ABCA8: variants seen among roughly 807,000 people sequenced by gnomAD.
The protein encoded by ABCA8 is ATP binding cassette subfamily A member 8, also known as ABC-type organic anion transporter ABCA8.
A neutral mutation model predicts 192.3 loss-of-function variants in ABCA8; 177 were observed. That is an observed-to-expected ratio of 0.92 (90% confidence interval 0.81 to 1.04). The LOEUF is 1.04. ABCA8 is among the 50% of genes least tolerant of loss of function. The pLI, the probability that ABCA8 is intolerant of heterozygous loss-of-function variation, is 0.00. For missense variants in ABCA8, 1,915 were observed against 1,904.8 expected (o/e 1.01, Z -0.10); for synonymous variants, 642 against 690.2 (o/e 0.93, Z 1.09).
chr17:68,891,616 C>G lies in ABCA8; in HGVS notation c.3037-20G>C, dbSNP rs994995745. On this transcript the variant is annotated intron_variant, in intron 23 of 39. Transcript: ENST00000586539. ...TCCATTCTGAAAAACCCAAAGAATA[C>G]AATGAACTGAATGAAGAAATTTAAA... 1.3e-6 allele frequency: 2 copies of G among 1,534,668 alleles called. No individual in the cohort carries two copies. Among genetic ancestry groups the G allele is most frequent in the Non-Finnish European group, 1.8e-6 (2 of 1,117,104 alleles).
chr17:68,941,982 T>G lies in ABCA8; in HGVS notation c.53A>C (p.Lys18Thr). The G allele has an allele frequency of 2.5e-6, 4 of 1,613,386 alleles. No homozygotes were observed. The highest frequency in any genetic ancestry group is 3.4e-6 in the Non-Finnish European group (4 of 1,179,492). Residue 18 changes from lysine (K) to threonine (T), a missense_variant, in exon 3 of 40, where the codon AAG (lysine) becomes ACG (threonine). Lys to Thr is a moderately conservative substitution (Grantham distance 78). Transcript: ENST00000586539. ...CATTCTCCATTTTTTAAGAAAGTTC[T>G]TGCATAATAAGGCCCAAGTTTGTTG... is the stretch of plus-strand genomic sequence containing the variant. ...VCQQTWALLC[K>T]NFLKKWRMKR...
Position 68,870,075 on chromosome 17 carries a change from A to G in ABCA8, c.4632-296T>C, listed in dbSNP as rs998018342. On this transcript the variant is annotated intron_variant, in intron 37 of 39. Coordinates refer to ENST00000586539, the MANE Select transcript of ABCA8 (RefSeq NM_001288985.2). ...TTCCCAGCTGGTTTGAACCCAAGCT[A>G]GGGCCTTGAACATTCCCAGGAACAG... Among the ~76,000 whole-genome samples the G allele has an allele frequency of 8.5e-5, 13 of 152,272 alleles. No individual in the cohort carries two copies. The East Asian group carries it at 2.5e-3, about 29-fold the overall frequency.
intron 21 of ABCA8, among the ~76,000 whole-genome samples, chr17:68,900,105 G>T (rs1414907072): frequency 6.6e-6 from 1 of 151,956 alleles, no homozygotes; most frequent in Admixed American, 6.6e-5. Flanking sequence ...CAAGAATATT[G>T]GTTTGGAAAT....
intron 24 of ABCA8, among the ~76,000 whole-genome samples, chr17:68,890,655 A>G (rs1046270823): frequency 2.0e-5 from 3 of 152,180 alleles, no homozygotes; most frequent in Admixed American, 6.5e-5. Context: ...AGTAGCTGAG[A>G]TCACAGGCAT....
chr17:68,945,819 G>A (rs963532239), intron 2 of ABCA8, among the ~76,000 whole-genome samples: 4 of 151,932 alleles, frequency 2.6e-5, no homozygotes, highest in Non-Finnish European at 5.9e-5. Flanking sequence ...ATGTGTGTGT[G>A]TGCGCATATG....
At chr17:68,924,963 G>T in intron 10 of ABCA8, 94 bp from the exon 11 acceptor site, 1 of 1,329,126 alleles carries the variant, frequency 7.5e-7, no homozygotes, top group Non-Finnish European at 1.0e-6. Context: ...GCCCTTTGTT[G>T]CTAAACCTGA....
Position 68,876,529 on chromosome 17 carries a change from C to T in ABCA8, c.4301G>A (p.Gly1434Glu), listed in dbSNP as rs1479285527. The T allele has an allele frequency of 1.2e-6, 2 of 1,614,062 alleles. No homozygotes were observed. The highest frequency in any genetic ancestry group is 1.7e-6 in the Non-Finnish European group (2 of 1,179,988). ...ATCCAGAAGCACCACTGACGGGTTCCCCAGTATGCTCAGGACAAAGCACAG... is the reference window on the plus strand; with the variant it reads ...ATCCAGAAGCACCACTGACGGGTTCTCCAGTATGCTCAGGACAAAGCACAG... ...RKLCFVLSIL[G>E]NPSVVLLDEP... The change falls in exon 35 of 40, where the codon GGG becomes GAG. Residue 1434 changes from glycine to glutamate, a missense_variant. By Grantham distance (98) the Gly-to-Glu change is moderately conservative. Coordinates refer to ENST00000586539, the MANE Select transcript of ABCA8 (RefSeq NM_001288985.2).
chr17:68,910,515 G>A (rs1219639334), intron 17 of ABCA8, among the ~76,000 whole-genome samples: 1 of 152,154 alleles, frequency 6.6e-6, no homozygotes, highest in Non-Finnish European at 1.5e-5. Context: ...AGGACCACAG[G>A]GACTGAAATT....
At chr17:68,892,504 G>A (rs752559878) in intron 23 of ABCA8, among the ~76,000 whole-genome samples, 20 of 152,156 alleles carry the variant, frequency 1.3e-4, no homozygotes, top group African/African-American at 4.8e-4. Context: ...ATTGGTTAAA[G>A]TGACTATATT....
intron 29 of ABCA8, 77 bp from the exon 30 acceptor site, chr17:68,882,796 T>C: frequency 7.0e-7 from 1 of 1,420,638 alleles, no homozygotes; most frequent in Non-Finnish European, 9.7e-7. Flanking sequence ...TTAAAGCATA[T>C]GTTTGAGTAG....
At chr17:68,896,567 T>G (rs1415181009) in intron 21 of ABCA8, among the ~76,000 whole-genome samples, 1 of 152,240 alleles carries the variant, frequency 6.6e-6, no homozygotes, top group African/African-American at 2.4e-5. Flanking sequence ...CCTTGTCTTC[T>G]GTGTCCACAC....
At chr17:68,906,518 G>C (rs566681939) in intron 18 of ABCA8, among the ~76,000 whole-genome samples, 6 of 152,034 alleles carry the variant, frequency 3.9e-5, no homozygotes, top group Non-Finnish European at 5.9e-5. Context: ...CTTTTCTAGA[G>C]AACAGATATA....
At chr17:68,912,952 C>T (rs2067260488) in intron 17 of ABCA8, among the ~76,000 whole-genome samples, 2 of 152,144 alleles carry the variant, frequency 1.3e-5, no homozygotes, top group African/African-American at 4.8e-5. Flanking sequence ...AATACACAGT[C>T]GTCTCCTCAG....
intron 7 of ABCA8, chr17:68,931,863 G>A (rs1159696247): frequency 7.1e-6 from 1 of 140,718 alleles, no homozygotes; most frequent in African/African-American, 2.7e-5. Flanking sequence ...ATTATTCTGT[G>A]TAGGTATCTC....
Position 68,924,855 on chromosome 17 carries a change from G to C in ABCA8, c.1288C>G (p.Arg430Gly). 1 of 1,613,802 alleles carries C rather than the reference G, an allele frequency of 6.2e-7. No individual in the cohort carries two copies. Among genetic ancestry groups the C allele is most frequent in the Non-Finnish European group, 8.5e-7 (1 of 1,179,880 alleles). Residue 430 changes from arginine to glycine, a missense_variant, in exon 11 of 40, where the codon CGA becomes GGA. Arg to Gly is a moderately radical substitution (Grantham distance 125). Transcript: ENST00000586539. ...EKILPNEYGH[R>G]RPPLFFLKSS... ...TTCAGGAAAAACAAAGGTGGACGTC[G>C]ATGTCCATATTCATCTACATGGCCA...
Position 68,918,130 on chromosome 17 carries a change from A to G in ABCA8, c.1964T>C (p.Val655Ala). The stretch of plus-strand genomic sequence containing the variant: ...TTTGCGTTCTTTCAGAAGGTTCCAT[A>G]CTTGGTGTCTTGAAAAGGGATCCAA... The part of the protein sequence containing the change: ...AGLDPFSRHQ[V>A]WNLLKERKTD... Residue 655 changes from valine (V) to alanine (A), a missense_variant, in exon 16 of 40, where the codon GTA becomes GCA. Physicochemically the swap from Val to Ala is moderately conservative, Grantham distance 64 (BLOSUM62 0). Coordinates refer to ENST00000586539, the MANE Select transcript of ABCA8 (RefSeq NM_001288985.2). 1 of 1,614,152 alleles carries G rather than the reference A, an allele frequency of 6.2e-7. No homozygotes were observed. Among genetic ancestry groups the G allele is most frequent in the Non-Finnish European group, 8.5e-7 (1 of 1,180,012 alleles).
rs971326668 is a variant in ABCA8, at chr17:68,933,731, G to A, written c.467-460C>T. Reference sequence around the variant, plus strand: ...AAGTTCAAGTAAGATTACTTACTACGCTTAAATCATGCCAATCAGAATATC... The same window carrying A: ...AAGTTCAAGTAAGATTACTTACTACACTTAAATCATGCCAATCAGAATATC... On this transcript the variant is annotated intron_variant, in intron 5 of 39. Transcript: ENST00000586539. Among the ~76,000 whole-genome samples the A allele has an allele frequency of 2.0e-5, 3 of 152,076 alleles. No individual in the cohort carries two copies. In the East Asian group the frequency reaches 5.8e-4, roughly 29 times the overall value.
At chr17:68,910,760 T>G (rs1191393173) in intron 17 of ABCA8, among the ~76,000 whole-genome samples, 1 of 152,154 alleles carries the variant, frequency 6.6e-6, no homozygotes, top group African/African-American at 2.4e-5. Context: ...CACAGCAGAA[T>G]AGGACACCAG....
chr17:68,873,647 C>T (rs1026393629), intron 37 of ABCA8, among the ~76,000 whole-genome samples: 3 of 152,104 alleles, frequency 2.0e-5, no homozygotes, highest in African/African-American at 7.2e-5. Flanking sequence ...TGAAGCTTTC[C>T]TCCTATGTTT....
Sources: gnomAD v4.1 joint callset for allele counts (sites outside exome capture counted in the v4.1 genomes callset) on GRCh38, gnomAD v4.1.1 for gene constraint, MANE v1.5 for transcripts, NCBI Gene and HGNC (gene_info 2026-07-23, HGNC 2026-07-21) for gene names.